HDAC9: variants seen among roughly 807,000 people sequenced by gnomAD.
HDAC9 encodes MEF-2 interacting transcription repressor (MITR) protein.
In HDAC9, 41 loss-of-function variants were observed where a neutral mutation model predicts 139.4. That is an observed-to-expected ratio of 0.29 (90% CI 0.23 to 0.38). HDAC9 has a LOEUF of 0.38. Among genes scored for constraint, HDAC9 ranks in the 10% least tolerant of loss-of-function variants. The pLI is 1.00. For missense variants in HDAC9, 1,147 were observed against 1,297.0 expected (o/e 0.88, Z 1.78); for synonymous variants, 517 against 476.2 (o/e 1.09, Z -1.12).
At chr7:18,932,690 C>G (rs574251847) in intron 22 of HDAC9, among the ~76,000 whole-genome samples, 109 of 151,944 alleles carry the variant, frequency 7.2e-4, no homozygotes, top group African/African-American at 2.2e-3. Context: ...AAAGAAAATA[C>G]TCCTAAATAA....
At chr7:18,645,494 C>G (rs1031560573) in intron 9 of HDAC9, among the ~76,000 whole-genome samples, 2 of 152,102 alleles carry the variant, frequency 1.3e-5, no homozygotes, top group African/African-American at 4.8e-5. Flanking sequence ...GACTCTTTGC[C>G]TTAAAATTTC....
At position 18,213,971 on chromosome 7, in the gene HDAC9, G is replaced by A. The variant is rs538262546; in HGVS notation, c.25+51622G>A. Reference sequence around the variant, plus strand: ...TTTTTTTCCTTCCCCAGTTTAAGAGGAGAGGGTATTTCATTTCCAGGATAA... The same window carrying A: ...TTTTTTTCCTTCCCCAGTTTAAGAGAAGAGGGTATTTCATTTCCAGGATAA... On this transcript the variant is annotated intron_variant, in intron 2 of 12. Coordinates refer to the HDAC9 transcript ENST00000417496. 3.0e-4 allele frequency among the ~76,000 whole-genome samples: 46 copies of A among 152,104 alleles called. 1 individual carries two copies. Among genetic ancestry groups the A allele is most frequent in the Non-Finnish European group, 6.5e-4 (44 of 67,992 alleles).
intron 2 of HDAC9, among the ~76,000 whole-genome samples, chr7:18,508,084 C>G (rs559330416): frequency 6.6e-6 from 1 of 152,114 alleles, no homozygotes; most frequent in African/African-American, 2.4e-5. Flanking sequence ...ACAGAAGATA[C>G]AGCTATTAAA....
intron 17 of HDAC9, among the ~76,000 whole-genome samples, chr7:18,794,658 A>G (rs1792624757): frequency 6.6e-6 from 1 of 152,214 alleles, no homozygotes; most frequent in Non-Finnish European, 1.5e-5. Context: ...AAAAAGAGGA[A>G]AGGAATCAGC....
intron 1 of HDAC9, among the ~76,000 whole-genome samples, chr7:18,376,057 A>G (rs1443444050): frequency 6.6e-6 from 1 of 152,152 alleles, no homozygotes; most frequent in Admixed American, 6.5e-5. Context: ...GGTTTTAAAG[A>G]AGGAGCCAAG....
At chr7:18,170,692 A>G (rs1788361124) in intron 2 of HDAC9, among the ~76,000 whole-genome samples, 2 of 152,188 alleles carry the variant, frequency 1.3e-5, no homozygotes, top group South Asian at 2.1e-4. Flanking sequence ...AGCACCATTT[A>G]TTAAACAGGG....
intron 17 of HDAC9, among the ~76,000 whole-genome samples, chr7:18,818,274 C>G (rs1794714261): frequency 6.6e-6 from 1 of 152,128 alleles, no homozygotes. Flanking sequence ...CCAGTACACT[C>G]AAAGAGAAAT....
intron 1 of HDAC9, among the ~76,000 whole-genome samples, chr7:18,398,596 G>A (rs190541253): frequency 7.2e-5 from 11 of 152,128 alleles, no homozygotes; most frequent in Admixed American, 3.3e-4. Context: ...AGGATTGTGC[G>A]TATGAGCCTT....
At chr7:18,433,259 A>G (rs1215661017) in intron 1 of HDAC9, among the ~76,000 whole-genome samples, 1 of 152,196 alleles carries the variant, frequency 6.6e-6, no homozygotes, top group Admixed American at 6.5e-5. Flanking sequence ...TAACAAGAGC[A>G]TCTGTGACAA....
intron 12 of HDAC9, among the ~76,000 whole-genome samples, chr7:18,679,607 TTC>T (rs1361276893): frequency 6.6e-6 from 1 of 151,364 alleles, no homozygotes; most frequent in Non-Finnish European, 1.5e-5. Context: ...GTCTCTTTCT[TTC>T]TCTCTCTTTC....
chr7:18,649,212 G>A (rs992019656), intron 11 of HDAC9, among the ~76,000 whole-genome samples: 9 of 152,140 alleles, frequency 5.9e-5, no homozygotes, highest in Non-Finnish European at 1.2e-4. Flanking sequence ...TCTTAATGTT[G>A]CTAAAATAGA....
chr7:18,875,490 G>A (rs1397709146), intron 22 of HDAC9, among the ~76,000 whole-genome samples: 11 of 152,102 alleles, frequency 7.2e-5, no homozygotes, highest in African/African-American at 7.2e-5. Flanking sequence ...AAGAAATAGC[G>A]TCATGCCAAC....
chr7:18,246,436 G>C (rs1336493026), intron 2 of HDAC9, among the ~76,000 whole-genome samples: 1 of 152,036 alleles, frequency 6.6e-6, no homozygotes, highest in African/African-American at 2.4e-5. Flanking sequence ...ACAGTGTGCA[G>C]ACATGACTAC....
chr7:18,522,041 C>T (rs1367879315), intron 2 of HDAC9, among the ~76,000 whole-genome samples: 1 of 152,092 alleles, frequency 6.6e-6, no homozygotes, highest in African/African-American at 2.4e-5. Flanking sequence ...TGACTAACAA[C>T]TACATATATA....
chr7:18,679,488 CTTTCT>C (rs1051806759), intron 12 of HDAC9, among the ~76,000 whole-genome samples: 4 of 151,500 alleles, frequency 2.6e-5, no homozygotes, highest in African/African-American at 7.3e-5. Flanking sequence ...CCCTCTCTCC[CTTTCT>C]TTTCTTTTCT....
At chr7:18,820,224 T>G (rs979918107) in intron 17 of HDAC9, among the ~76,000 whole-genome samples, 1 of 152,180 alleles carries the variant, frequency 6.6e-6, no homozygotes, top group African/African-American at 2.4e-5. Flanking sequence ...GATTTTCAAG[T>G]CCTTTGAAAA....
intron 17 of HDAC9, among the ~76,000 whole-genome samples, chr7:18,796,157 GA>G (rs1351615441): frequency 6.6e-6 from 1 of 152,152 alleles, no homozygotes; most frequent in Non-Finnish European, 1.5e-5. Flanking sequence ...AGCTTTATTT[GA>G]AATATGATGT....
chr7:18,768,618 G>A (rs184428461), intron 16 of HDAC9, among the ~76,000 whole-genome samples: 26 of 152,212 alleles, frequency 1.7e-4, no homozygotes, highest in Non-Finnish European at 2.8e-4. Flanking sequence ...ATCTCAAATG[G>A]CTGTTTTATG....
rs199827191 is a variant in HDAC9, at chr7:18,347,764, A to AT, written c.-42+57255dup. Among the ~76,000 whole-genome samples, 1,252 of 151,904 alleles carry AT rather than the reference A, an allele frequency of 8.2e-3. 51 individuals carry two copies. Among genetic ancestry groups the AT allele is most frequent in the Admixed American group, 0.057 (875 of 15,226 alleles). On this transcript the variant is annotated intron_variant, in intron 1 of 3. Transcript: ENST00000413509. ...AGGTGTATGCCACCACGCCCGGCTA[A>AT]TTTTTTGTATTTTTAGTAGAGATGG...
Sources: gnomAD v4.1 joint callset for allele counts (sites outside exome capture counted in the v4.1 genomes callset) on GRCh38, gnomAD v4.1.1 for gene constraint, MANE v1.5 for transcripts, NCBI Gene and HGNC (gene_info 2026-07-23, HGNC 2026-07-21) for gene names.